FUBP3: variants seen among roughly 807,000 people sequenced by gnomAD.
FUBP3 encodes far upstream element binding protein 3.
Under a neutral mutation model 85.6 loss-of-function variants are expected in FUBP3, and 28 were observed. The ratio of observed to expected loss-of-function variants is 0.33; its 90% CI spans 0.24 to 0.45. FUBP3 has a LOEUF of 0.45. Ranked by LOEUF, FUBP3 falls within the 20% of genes least tolerant of loss-of-function variation. The pLI is 1.00. For missense variants in FUBP3, 583 were observed against 755.1 expected (o/e 0.77, Z 2.67); for synonymous variants, 271 against 271.4 (o/e 1.00, Z 0.01).
chr9:130,598,003 C>G (rs1830953179), intron 2 of FUBP3, among the ~76,000 whole-genome samples: 2 of 151,988 alleles, frequency 1.3e-5, no homozygotes, highest in Non-Finnish European at 2.9e-5. Context: ...GACTTATTCC[C>G]CAAAAGGTAG....
intron 5 of FUBP3, among the ~76,000 whole-genome samples, chr9:130,614,066 G>A (rs909377699): frequency 6.6e-6 from 1 of 152,256 alleles, no homozygotes; most frequent in Non-Finnish European, 1.5e-5. Context: ...CCTCTGTCAC[G>A]TCCTTCTAGC....
chr9:130,589,543 C>T (rs1258379859), intron 1 of FUBP3, among the ~76,000 whole-genome samples: 1 of 150,790 alleles, frequency 6.6e-6, no homozygotes, highest in Non-Finnish European at 1.5e-5. Flanking sequence ...GGGGTTTCAC[C>T]ATGTTGGCCA....
chr9:130,592,680 AC>A (rs1324676468), intron 1 of FUBP3, among the ~76,000 whole-genome samples: 1 of 151,626 alleles, frequency 6.6e-6, no homozygotes, highest in Non-Finnish European at 1.5e-5. Flanking sequence ...AGTAGCCGGG[AC>A]TACAGGAATG....
intron 12 of FUBP3, among the ~76,000 whole-genome samples, chr9:130,629,638 G>A (rs1830131789): frequency 6.6e-6 from 1 of 152,202 alleles, no homozygotes; most frequent in African/African-American, 2.4e-5. Flanking sequence ...CGGTGTCTTG[G>A]TGAGGTGCCA....
intron 5 of FUBP3, among the ~76,000 whole-genome samples, chr9:130,613,388 A>G (rs954180947): frequency 3.9e-5 from 6 of 152,194 alleles, no homozygotes; most frequent in African/African-American, 1.4e-4. Flanking sequence ...CCTTGACTAC[A>G]TGCATCAGGG....
At chr9:130,610,196 A>G (rs1831667760) in intron 3 of FUBP3, among the ~76,000 whole-genome samples, 1 of 152,228 alleles carries the variant, frequency 6.6e-6, no homozygotes, top group Non-Finnish European at 1.5e-5. Context: ...ATCAGCCATT[A>G]TTGCAGTAAC....
Position 130,635,872 on chromosome 9 carries a change from ACTGCCTCCCAGACCTCC to A in FUBP3, c.1583-120_1583-104del. ...GCTCCTGCAACACCAGCCTCACCTC[ACTGCCTCCCAGACCTCC>A]CTGCCTTCCAGCCGTCCGGAGGGAG... On this transcript the variant is annotated intron_variant, in intron 17 of 18. Coordinates refer to ENST00000319725, the MANE Select transcript of FUBP3 (RefSeq NM_003934.2). The surrounding 1 kb of genome is among the most constrained non-coding windows in gnomAD (Gnocchi z 4.3). The A allele has an allele frequency of 1.1e-6, 1 of 936,306 alleles. No homozygotes were observed. The highest frequency in any genetic ancestry group is 1.6e-6 in the Non-Finnish European group (1 of 617,902). The allele number at this position is 936,306 out of a possible 1,614,324, so 58.0% of individuals were successfully genotyped here.
At chr9:130,629,838 C>T (rs193133241) in intron 12 of FUBP3, among the ~76,000 whole-genome samples, 6 of 152,348 alleles carry the variant, frequency 3.9e-5, no homozygotes, top group Admixed American at 3.9e-4. Context: ...TAGCAACACT[C>T]CATCCCCCAC....
chr9:130,630,920 C>T, intron 13 of FUBP3, 132 bp downstream of exon 13: 2 of 711,438 alleles, frequency 2.8e-6, no homozygotes, highest in Non-Finnish European at 2.1e-6. Flanking sequence ...GGGCAAGCCC[C>T]CTCCTGCTTT....
At chr9:130,591,749 A>G (rs1830635342) in intron 1 of FUBP3, among the ~76,000 whole-genome samples, 1 of 152,204 alleles carries the variant, frequency 6.6e-6, no homozygotes, top group Admixed American at 6.5e-5. Flanking sequence ...GTGAGCATGA[A>G]TTAAGAAGAA....
chr9:130,635,468 G>A lies in FUBP3; in HGVS notation c.1583-531G>A, dbSNP rs2119133003. ...AGGCTACCAGAGAAGTGGTCCCCCTGGTGTTGGCATCATCGCCAGGTTCAT... is the reference window on the plus strand; with the variant it reads ...AGGCTACCAGAGAAGTGGTCCCCCTAGTGTTGGCATCATCGCCAGGTTCAT... On this transcript the variant is annotated intron_variant, in intron 17 of 18. Coordinates refer to ENST00000319725, the MANE Select transcript of FUBP3 (RefSeq NM_003934.2). The surrounding 1 kb of genome is among the most constrained non-coding windows in gnomAD (Gnocchi z 4.3). Among the ~76,000 whole-genome samples the A allele has an allele frequency of 6.6e-6, 1 of 152,288 alleles. No homozygotes were observed. The highest frequency in any genetic ancestry group is 2.1e-4 in the South Asian group (1 of 4,828).
chr9:130,581,633 C>T (rs972452621), intron 1 of FUBP3: 1 of 152,198 alleles, frequency 6.6e-6, no homozygotes, highest in Non-Finnish European at 1.5e-5. Context: ...ATTTGGGTAT[C>T]TGGAAGGTGA....
chr9:130,630,750 A>C lies in FUBP3; in HGVS notation c.1240A>C (p.Ile414Leu), dbSNP rs1307434087. 6.4e-7 allele frequency: 1 copy of C among 1,554,116 alleles called. No homozygotes were observed. Among genetic ancestry groups the C allele is most frequent in the Non-Finnish European group, 8.7e-7 (1 of 1,151,670 alleles). The change falls in exon 13 of 19, where the codon ATC (isoleucine) becomes CTC (leucine). Residue 414 changes from isoleucine (I) to leucine (L), a missense_variant. Transcript: ENST00000319725. ...CACCATCAGGGGGGTTCCCCAGCAGATCGAGGTGGCCAGGCAGCTCATAGA... is the reference window on the plus strand; with the variant it reads ...CACCATCAGGGGGGTTCCCCAGCAGCTCGAGGTGGCCAGGCAGCTCATAGA... ...RFTIRGVPQQIEVARQLIDEK... is the reference protein window; with the variant it reads ...RFTIRGVPQQLEVARQLIDEK...
rs1271882467 is a variant in FUBP3, at chr9:130,618,685, G to A, written c.666+790G>A. 7.9e-5 allele frequency among the ~76,000 whole-genome samples: 12 copies of A among 152,194 alleles called. No individual in the cohort carries two copies. The East Asian group carries it at 2.3e-3, about 29-fold the overall frequency. On this transcript the variant is annotated intron_variant, in intron 8 of 18. Transcript: ENST00000319725. ...TTGCCACATTCAGAGTAGCTCCGGG[G>A]TGATGCTCCTTGGTGAGCCAGGCCA...
In FUBP3 at chr9:130,630,696, C is replaced by A; in HGVS notation, c.1186C>A (p.Pro396Thr). The change falls in exon 13 of 19, where the codon CCC (proline) becomes ACC (threonine). Residue 396 changes from proline (P) to threonine (T), a missense_variant. Transcript: ENST00000319725. ...AHVELQRNPPPNSDPNLRRFT... is the reference protein window; with the variant it reads ...AHVELQRNPPTNSDPNLRRFT... ...CGTGGAGCTTCAGAGGAACCCCCCT[C>A]CCAACAGCGACCCCAACCTGCGGAG... 6.3e-7 allele frequency: 1 copy of A among 1,597,196 alleles called. No individual in the cohort carries two copies. Among genetic ancestry groups the A allele is most frequent in the African/African-American group, 1.4e-5 (1 of 73,570 alleles).
intron 2 of FUBP3, among the ~76,000 whole-genome samples, chr9:130,605,460 TTGCA>T (rs1462230634): frequency 6.6e-6 from 1 of 152,336 alleles, no homozygotes; most frequent in East Asian, 1.9e-4. Context: ...GGTACAGAGT[TTGCA>T]TGGGCACAGG....
chr9:130,607,374 G>A (rs1222339906), intron 2 of FUBP3, among the ~76,000 whole-genome samples: 1 of 151,758 alleles, frequency 6.6e-6, no homozygotes, highest in African/African-American at 2.4e-5. Flanking sequence ...AGCCCAGGCA[G>A]TTCGTATTAT....
chr9:130,630,916 G>A, intron 13 of FUBP3, 128 bp downstream of exon 13: 1 of 715,286 alleles, frequency 1.4e-6, no homozygotes, highest in South Asian at 3.6e-5. Flanking sequence ...ACGAGGGCAA[G>A]CCCCCTCCTG....
At chr9:130,633,256 A>C (rs549489979) in intron 16 of FUBP3, among the ~76,000 whole-genome samples, 1 of 152,248 alleles carries the variant, frequency 6.6e-6, no homozygotes, top group Non-Finnish European at 1.5e-5. Flanking sequence ...CCAGTATCTT[A>C]TTATGAAACG....
Sources: allele counts gnomAD v4.1 joint callset (sites outside exome capture counted in the v4.1 genomes callset), GRCh38; gene constraint gnomAD v4.1.1; non-coding constraint Gnocchi (gnomAD v3.1); transcripts MANE v1.5; gene names NCBI Gene and HGNC (gene_info 2026-07-23, HGNC 2026-07-21).